Variants in PAX2 observed in about 807,000 individuals in gnomAD.
PAX2 encodes paired box protein Pax-2.
PAX2 carries 9 observed loss-of-function variants against 41.7 expected under a neutral mutation model. That is an observed-to-expected ratio of 0.22 (90% CI 0.13 to 0.38). The LOEUF (loss-of-function observed/expected upper bound fraction) is 0.38, where lower values mean the gene tolerates loss of function less well. PAX2 is among the 10% of genes least tolerant of loss of function. The probability of loss-of-function intolerance (pLI) is 1.00; values close to 1 mark genes in which losing one functional copy is unlikely to be tolerated. For missense variants in PAX2, 418 were observed against 531.6 expected, an observed-to-expected ratio of 0.79 and a Z score of 2.10; for synonymous variants, 221 against 212.7, an observed-to-expected ratio of 1.04 and a Z score of -0.34.
upstream of PAX2, among the ~76,000 whole-genome samples, chr10:100,742,841 TC>T (rs1845013609): frequency 7.6e-6 from 1 of 131,862 alleles, no homozygotes; most frequent in Non-Finnish European, 1.6e-5. Context: ...TCTTCTTTCT[TC>T]CTTTTTTTTT....
intron 3 of PAX2, among the ~76,000 whole-genome samples, chr10:100,752,509 C>G (rs1165798818): frequency 1.2e-4 from 19 of 152,134 alleles, no homozygotes; most frequent in Admixed American, 1.2e-3. Context: ...GATTGCTGGT[C>G]CTGGGCATGA....
intron 3 of PAX2, among the ~76,000 whole-genome samples, chr10:100,768,120 C>T (rs893725297): frequency 6.6e-6 from 1 of 151,768 alleles, no homozygotes; most frequent in Non-Finnish European, 1.5e-5. Context: ...ATCTCAAACA[C>T]CCCAGGAAGG....
chr10:100,786,516 T>C (rs1226042425), intron 5 of PAX2, among the ~76,000 whole-genome samples: 1 of 152,234 alleles, frequency 6.6e-6, no homozygotes, highest in Non-Finnish European at 1.5e-5. Flanking sequence ...AGTGTGAGTA[T>C]GCATGTGTTC....
chr10:100,754,628 T>C (rs1024700821), intron 3 of PAX2, among the ~76,000 whole-genome samples: 1 of 152,252 alleles, frequency 6.6e-6, no homozygotes, highest in African/African-American at 2.4e-5. Context: ...CAGGTCATTG[T>C]TCCCCTTGGG....
In PAX2 at chr10:100,746,244, C is replaced by G; in HGVS notation, c.-17C>G. 6.8e-6 allele frequency: 11 copies of G among 1,613,662 alleles called. No individual in the cohort carries two copies. Among genetic ancestry groups the G allele is most frequent in the South Asian group, 1.1e-5 (1 of 91,078 alleles). ...ACGGCGGCGGCGGCCGCGCTGCTCC[C>G]GCTCCTCTGCCTCCCCATGGATATG... On this transcript the variant is annotated 5_prime_UTR_variant, in exon 1 of 10. Transcript: ENST00000355243.
rs1421587274 is a variant in PAX2 at position 100,829,737 on chromosome 10, C to G, written c.*2118C>G. 1 of 203,102 alleles carries G rather than the reference C, an allele frequency of 4.9e-6. No individual in the cohort carries two copies. 12.6% of individuals were successfully genotyped at this position (203,102 alleles called of 1,614,324 possible). A position where few individuals can be genotyped will look rare whatever the true frequency, so the allele number is the denominator to read the frequency against. On this transcript the variant is annotated 3_prime_UTR_variant, in exon 10 of 10. Coordinates refer to ENST00000355243, the MANE Select transcript of PAX2 (RefSeq NM_000278.5). The stretch of plus-strand genomic sequence containing the variant: ...AACGGGGCGGCGAGGGCGGCGAGGG[C>G]GCCGAGGTCCGGCCCATCCCAGTCC...
At chr10:100,814,404 C>T (rs1969816) in intron 7 of PAX2, among the ~76,000 whole-genome samples, 148,586 of 148,614 alleles carry the variant, frequency 1, 74,279 homozygotes, top group Middle Eastern at 1. Context: ...TGTATCTTTA[C>T]CACAGATCCA....
upstream of PAX2, among the ~76,000 whole-genome samples, chr10:100,741,199 G>A (rs997567354): frequency 1.3e-5 from 2 of 152,164 alleles, no homozygotes; most frequent in Non-Finnish European, 2.9e-5. Flanking sequence ...GGCCAGCTGG[G>A]AGTCAGGCCC....
At chr10:100,774,206 TGC>T (rs1846308282) in intron 3 of PAX2, among the ~76,000 whole-genome samples, 1 of 152,242 alleles carries the variant, frequency 6.6e-6, no homozygotes, top group African/African-American at 2.4e-5. Context: ...AGGAGTTTCA[TGC>T]AGGGCTTTCA....
intron 7 of PAX2, among the ~76,000 whole-genome samples, chr10:100,809,461 G>A (rs1369923279): frequency 2.0e-5 from 3 of 152,350 alleles, no homozygotes; most frequent in East Asian, 3.9e-4. Context: ...GCTGATGCTA[G>A]GAGGGGCTGT....
At chr10:100,804,355 G>T (rs1392396489) in intron 5 of PAX2, among the ~76,000 whole-genome samples, 2 of 151,736 alleles carry the variant, frequency 1.3e-5, no homozygotes, top group Non-Finnish European at 2.9e-5. Context: ...ACAGAGGCAT[G>T]AGGAGAGTCC....
intron 3 of PAX2, among the ~76,000 whole-genome samples, chr10:100,754,179 G>A (rs59227439): frequency 0.045 from 6,881 of 152,254 alleles, 429 homozygotes; most frequent in African/African-American, 0.14. Context: ...TAGTTACATA[G>A]CTGAGCAATT....
intron 5 of PAX2, chr10:100,786,893 G>C: frequency 8.6e-7 from 1 of 1,160,832 alleles, no homozygotes; most frequent in Non-Finnish European, 1.2e-6. Context: ...TCTTCTGCCT[G>C]CCTGTCTTTC....
chr10:100,740,674 C>A (rs1844921862), upstream of PAX2, among the ~76,000 whole-genome samples: 1 of 152,206 alleles, frequency 6.6e-6, no homozygotes, highest in Non-Finnish European at 1.5e-5. Flanking sequence ...GCGTAATTAT[C>A]CCCATTTTAC....
chr10:100,772,730 G>C (rs75418642), intron 3 of PAX2, among the ~76,000 whole-genome samples: 2,446 of 152,336 alleles, frequency 0.016, 56 homozygotes, highest in African/African-American at 0.056. Context: ...CATATATCCA[G>C]ATACTTGACA....
chr10:100,745,737 C>G lies in PAX2; in HGVS notation c.-524C>G, dbSNP rs1845134777. The G allele has an allele frequency of 1.9e-6, 2 of 1,037,504 alleles. No individual in the cohort carries two copies. The highest frequency in any genetic ancestry group is 1.2e-6 in the Non-Finnish European group (1 of 861,722). The allele number at this position is 1,037,504 out of a possible 1,614,324, so 64.3% of individuals were successfully genotyped here. The stretch of plus-strand genomic sequence containing the variant: ...GGGGGCCTGGCCCGCGCGCTCCCCT[C>G]CCGCAGGCGCCACCTCGGACATCCC... On this transcript the variant is annotated 5_prime_UTR_variant, in exon 1 of 10. Transcript: ENST00000355243.
At position 100,749,906 on chromosome 10, in the gene PAX2, C is replaced by T. The variant is rs1845371396; in HGVS notation, c.204C>T (p.Ile68=). The T allele has an allele frequency of 5.0e-6, 8 of 1,612,296 alleles. No individual in the cohort carries two copies. The highest frequency in any genetic ancestry group is 6.8e-6 in the Non-Finnish European group (8 of 1,179,896). ...LRVSHGCVSK[I]LGRYYETGSI... ...TCAGCCACGGCTGTGTCAGCAAAAT[C>T]CTGGGCAGGTGAGGGCTTCGCAGCT... Residue 68 remains isoleucine (I), a synonymous_variant, in exon 2 of 10, where the codon ATC becomes ATT. Coordinates refer to ENST00000355243, the MANE Select transcript of PAX2 (RefSeq NM_000278.5).
intron 5 of PAX2, among the ~76,000 whole-genome samples, chr10:100,796,572 A>G (rs984137954): frequency 6.6e-6 from 1 of 152,134 alleles, no homozygotes; most frequent in Non-Finnish European, 1.5e-5. Flanking sequence ...ATTTGAGCTT[A>G]TAGAAGCAGA....
chr10:100,803,972 G>A (rs941301960), intron 5 of PAX2, among the ~76,000 whole-genome samples: 14 of 152,172 alleles, frequency 9.2e-5, no homozygotes, highest in African/African-American at 3.4e-4. Context: ...GAACATGATT[G>A]ATCAATTGAA....
Sources: gnomAD v4.1 joint callset for allele counts (sites outside exome capture counted in the v4.1 genomes callset) on GRCh38, gnomAD v4.1.1 for gene constraint, MANE v1.5 for transcripts, NCBI Gene and HGNC (gene_info 2026-07-23, HGNC 2026-07-21) for gene names.